Variants in PRSS3 observed in about 807,000 individuals in gnomAD.
The protein encoded by PRSS3 is trypsin-3.
Under a neutral mutation model 20.8 loss-of-function variants are expected in PRSS3, and 14 were observed. The observed-to-expected ratio is 0.67, with a 90% CI of 0.44 to 1.05. The LOEUF is 1.05. Ranked by LOEUF, PRSS3 falls within the 50% of genes least tolerant of loss-of-function variation. The pLI is 0.00. For synonymous variants in PRSS3, 91 were observed against 117.6 expected (o/e 0.77, Z 1.46); for missense variants, 237 against 306.4 (o/e 0.77, Z 1.69).
chr9:33,798,842 G>C, intron 4 of PRSS3, 186 bp from the exon 5 acceptor site: 1 of 1,034,630 alleles, frequency 9.7e-7, no homozygotes, highest in Non-Finnish European at 1.4e-6. Flanking sequence ...TGCCCCCATT[G>C]GGAAATGAGG....
At chr9:33,760,939 C>T (rs1224804885) in intron 1 of PRSS3, among the ~76,000 whole-genome samples, 4 of 152,142 alleles carry the variant, frequency 2.6e-5, no homozygotes, top group African/African-American at 9.7e-5. Context: ...TCCAGCAAAA[C>T]TGCCTAATTT....
At chr9:33,760,609 G>A (rs1450511214) in intron 1 of PRSS3, among the ~76,000 whole-genome samples, 4 of 151,974 alleles carry the variant, frequency 2.6e-5, no homozygotes, top group Non-Finnish European at 5.9e-5. Flanking sequence ...AGCTGGGTGT[G>A]GTGGCGGGCG....
intron 1 of PRSS3, among the ~76,000 whole-genome samples, chr9:33,784,019 TTC>T (rs1296856793): frequency 1.3e-5 from 2 of 152,234 alleles, no homozygotes; most frequent in African/African-American, 4.8e-5. Flanking sequence ...TTATTTTTTG[TTC>T]TCTGTTATAA....
At chr9:33,766,629 A>C (rs1295491076) in intron 1 of PRSS3, among the ~76,000 whole-genome samples, 1 of 152,156 alleles carries the variant, frequency 6.6e-6, no homozygotes, top group Non-Finnish European at 1.5e-5. Context: ...TACATGCTAT[A>C]CCATGAATGA....
intron 1 of PRSS3, among the ~76,000 whole-genome samples, chr9:33,767,850 GAC>G (rs1823507289): frequency 6.6e-6 from 1 of 152,048 alleles, no homozygotes; most frequent in Non-Finnish European, 1.5e-5. Flanking sequence ...TTTAGACACA[GAC>G]ACACACAGAA....
intron 1 of PRSS3, among the ~76,000 whole-genome samples, chr9:33,766,430 G>A (rs1371702745): frequency 4.0e-5 from 6 of 150,668 alleles, no homozygotes; most frequent in Admixed American, 2.0e-4. Context: ...AAAATTAGCC[G>A]GGCATGGTGG....
At chr9:33,774,784 GA>G (rs1823848741) in intron 1 of PRSS3, among the ~76,000 whole-genome samples, 1 of 152,022 alleles carries the variant, frequency 6.6e-6, no homozygotes, top group Non-Finnish European at 1.5e-5. Context: ...TCAGGAGTTT[GA>G]GATCAGCCTG....
intron 1 of PRSS3, among the ~76,000 whole-genome samples, chr9:33,759,768 G>A (rs1267499029): frequency 1.3e-5 from 2 of 152,216 alleles, no homozygotes; most frequent in Non-Finnish European, 2.9e-5. Context: ...AGTCACCAGT[G>A]TGCAAGTGGT....
At chr9:33,774,688 G>T (rs1036710948) in intron 1 of PRSS3, among the ~76,000 whole-genome samples, 6 of 151,930 alleles carry the variant, frequency 3.9e-5, no homozygotes, top group Admixed American at 2.0e-4. Flanking sequence ...TCAAAGGAGG[G>T]TTTAAAAAAA....
upstream of PRSS3, chr9:33,794,787 A>T: frequency 6.4e-7 from 1 of 1,550,804 alleles, no homozygotes; most frequent in Non-Finnish European, 8.7e-7. Flanking sequence ...AGAACCTATG[A>T]CAGGATGCAC....
At chr9:33,791,224 TG>T (rs1031055792), upstream of PRSS3, among the ~76,000 whole-genome samples, 13 of 152,310 alleles carry the variant, frequency 8.5e-5, no homozygotes, top group African/African-American at 3.1e-4. Context: ...ACAGATGATA[TG>T]GGTTCTACAG....
chr9:33,778,649 G>A (rs1418957968), intron 1 of PRSS3, among the ~76,000 whole-genome samples: 1 of 152,110 alleles, frequency 6.6e-6, no homozygotes, highest in Non-Finnish European at 1.5e-5. Context: ...AATAAAAATA[G>A]TTGCTAAAGG....
intron 1 of PRSS3, among the ~76,000 whole-genome samples, chr9:33,759,724 G>C (rs1473744759): frequency 2.0e-5 from 3 of 152,234 alleles, no homozygotes; most frequent in Non-Finnish European, 4.4e-5. Context: ...CTGAGACTTA[G>C]AGACAAGGTC....
chr9:33,798,898 A>G, intron 4 of PRSS3, 130 bp from the exon 5 acceptor site: 1 of 1,280,112 alleles, frequency 7.8e-7, no homozygotes, highest in Non-Finnish European at 1.1e-6. Context: ...AGAACAGAGA[A>G]TGGGCCACCG....
At chr9:33,785,160 A>ATTTTTTTTTTTTTTTTTTTTTTT (rs74180504) in intron 1 of PRSS3, among the ~76,000 whole-genome samples, 7 of 72,510 alleles carry the variant, frequency 9.7e-5, no homozygotes, top group African/African-American at 3.8e-4. Context: ...ATTGTGGTCA[A>ATTTTTTTTTTTTTTTTTTTTTTT]TTTTTTTTTT....
At position 33,786,171 on chromosome 9, in the gene PRSS3, G is replaced by C. The variant is rs971553704; in HGVS notation, c.-52-8575G>C. 1.3e-5 allele frequency: 6 copies of C among 456,066 alleles called. 1 individual carries two copies. Among genetic ancestry groups the C allele is most frequent in the African/African-American group, 2.0e-5 (1 of 49,520 alleles). The allele number at this position is 456,066 out of a possible 1,614,324, so 28.3% of individuals were successfully genotyped here. On this transcript the variant is annotated intron_variant, in intron 1 of 5. Transcript: ENST00000342836. ...CGCTGTAGGAAGGAAAGATGAACTT[G>C]AGTTTCACTTCTTAGTGCCTTTTCT...
chr9:33,789,122 C>A (rs1417792856), intron 1 of PRSS3, among the ~76,000 whole-genome samples: 1 of 152,078 alleles, frequency 6.6e-6, no homozygotes, highest in African/African-American at 2.4e-5. Flanking sequence ...TCTGACAATG[C>A]CAGCATTTGA....
At chr9:33,792,936 C>A (rs1246946794), upstream of PRSS3, among the ~76,000 whole-genome samples, 2 of 152,170 alleles carry the variant, frequency 1.3e-5, no homozygotes, top group African/African-American at 2.4e-5. Context: ...TGAAGAGTAC[C>A]AAGAATGGCA....
chr9:33,779,867 T>TAAAAAAAAAAAA, intron 1 of PRSS3, among the ~76,000 whole-genome samples: 1 of 31,854 alleles, frequency 3.1e-5, no homozygotes, highest in Non-Finnish European at 4.9e-5. Context: ...AGACTCTGTC[T>TAAAAAAAAAAAA]AAAAAAAAAA....
Sources: gnomAD v4.1 joint callset for allele counts (sites outside exome capture counted in the v4.1 genomes callset) on GRCh38, gnomAD v4.1.1 for gene constraint, MANE v1.5 for transcripts, NCBI Gene and HGNC (gene_info 2026-07-23, HGNC 2026-07-21) for gene names.